The following SPRED2 variants were observed in gnomAD, a reference collection of about 807,000 sequenced individuals.
SPRED2 encodes the protein sprouty-related, EVH1 domain-containing protein 2.
Under a neutral mutation model 43.0 loss-of-function variants are expected in SPRED2, and 47 were observed. The ratio of observed to expected loss-of-function variants is 1.09; its 90% CI spans 0.87 to 1.40. The LOEUF (loss-of-function observed/expected upper bound fraction) is 1.40, where lower values mean the gene tolerates loss of function less well. SPRED2 is among the 40% of genes most tolerant of loss of function. The pLI is 0.00. For missense variants in SPRED2, 561 were observed against 586.4 expected, an observed-to-expected ratio of 0.96 and a Z score of 0.45; for synonymous variants, 225 against 225.7, an observed-to-expected ratio of 1.00 and a Z score of 0.03.
In SPRED2 at chr2:65,313,380, C is replaced by A; in HGVS notation, c.*121G>T. The A allele has an allele frequency of 6.7e-7, 1 of 1,498,268 alleles. No homozygotes were observed. The highest frequency in any genetic ancestry group is 1.4e-5 in the South Asian group (1 of 73,986). The allele number at this position is 1,498,268 out of a possible 1,614,324, so 92.8% of individuals were successfully genotyped here. ...AATGGTGCCTCGAGGTACCAGGGAG[C>A]TGGGAGGCCGCTTGCCCTCCTCGCT... is the stretch of plus-strand genomic sequence containing the variant. On this transcript the variant is annotated 3_prime_UTR_variant, in exon 6 of 6. Coordinates refer to ENST00000356388, the MANE Select transcript of SPRED2 (RefSeq NM_181784.3).
intron 1 of SPRED2, among the ~76,000 whole-genome samples, chr2:65,429,398 C>G (rs1676627199): frequency 1.3e-5 from 2 of 152,052 alleles, no homozygotes; most frequent in Admixed American, 1.3e-4. Context: ...AAAATCATTA[C>G]AAGAAAAAAA....
chr2:65,403,569 GAT>G (rs1301865823), intron 1 of SPRED2, among the ~76,000 whole-genome samples: 83 of 152,278 alleles, frequency 5.5e-4, no homozygotes, highest in African/African-American at 2.0e-3. Flanking sequence ...GCCCATCTGG[GAT>G]AGACATTTTT....
rs748022423 is a variant in SPRED2 at position 65,311,487 on chromosome 2, G to C, written c.*2014C>G. 7.4e-5 allele frequency: 73 copies of C among 985,770 alleles called. No individual in the cohort carries two copies. The highest frequency in any genetic ancestry group is 8.8e-5 in the Non-Finnish European group (73 of 829,950). The allele number at this position is 985,770 out of a possible 1,614,324, so 61.1% of individuals were successfully genotyped here. On this transcript the variant is annotated 3_prime_UTR_variant, in exon 6 of 6. Transcript: ENST00000356388. ...TGAAATAAATAGGGGCACTTGAACT[G>C]AGGTCTAAGGAAACGAACATTAGTG...
At chr2:65,308,964 C>A (rs1380507757), downstream of SPRED2, among the ~76,000 whole-genome samples, 1 of 151,836 alleles carries the variant, frequency 6.6e-6, no homozygotes, top group African/African-American at 2.4e-5. Context: ...ACCAGCCTGA[C>A]TGACCAACAT....
At chr2:65,358,302 T>C (rs947238564) in intron 1 of SPRED2, among the ~76,000 whole-genome samples, 3 of 152,106 alleles carry the variant, frequency 2.0e-5, no homozygotes, top group African/African-American at 7.2e-5. Flanking sequence ...TGGGGGAAAA[T>C]AAAAGGTACA....
At chr2:65,338,177 GTCTCCC>G (rs372919778) in intron 2 of SPRED2, among the ~76,000 whole-genome samples, 4,305 of 89,060 alleles carry the variant, frequency 0.048, 286 homozygotes, top group African/African-American at 0.094. Flanking sequence ...CCCGTCTCCC[GTCTCCC>G]TCTCCCTCTC....
chr2:65,398,172 A>T (rs1370107907), intron 1 of SPRED2, among the ~76,000 whole-genome samples: 1 of 152,250 alleles, frequency 6.6e-6, no homozygotes, highest in African/African-American at 2.4e-5. Context: ...GTACTGGGAT[A>T]ATTGGCAAGC....
At chr2:65,421,927 C>G (rs1173051596) in intron 1 of SPRED2, among the ~76,000 whole-genome samples, 1 of 152,168 alleles carries the variant, frequency 6.6e-6, no homozygotes, top group Non-Finnish European at 1.5e-5. Flanking sequence ...AGTCAAAGGA[C>G]CTGGGTTAAA....
At chr2:65,373,018 T>C (rs1032342179) in intron 1 of SPRED2, among the ~76,000 whole-genome samples, 1 of 152,236 alleles carries the variant, frequency 6.6e-6, no homozygotes, top group Non-Finnish European at 1.5e-5. Context: ...GCTATCTGTT[T>C]GTCAGATGCC....
At position 65,400,734 on chromosome 2, in the gene SPRED2, G is replaced by A. The variant is rs200321913; in HGVS notation, c.26+31228C>T. On this transcript the variant is annotated intron_variant, in intron 1 of 5. Coordinates refer to ENST00000356388, the MANE Select transcript of SPRED2 (RefSeq NM_181784.3). ...TTGCTCTGATGGAAGGTCCTTTCACGTCCTGTTTCTGGTTCAGTCCTGAAT... is the reference window on the plus strand; with the variant it reads ...TTGCTCTGATGGAAGGTCCTTTCACATCCTGTTTCTGGTTCAGTCCTGAAT... Among the ~76,000 whole-genome samples, 21 of 151,928 alleles carry A rather than the reference G, an allele frequency of 1.4e-4. No homozygotes were observed. In the East Asian group the frequency reaches 3.1e-3, roughly 22 times the overall value.
rs147727102 is a variant in SPRED2 at position 65,416,445 on chromosome 2, AAG to A, written c.26+15515_26+15516del. On this transcript the variant is annotated intron_variant, in intron 1 of 5. Coordinates refer to ENST00000356388, the MANE Select transcript of SPRED2 (RefSeq NM_181784.3). ...ACTGTTGTACTGCTCCATCCTGAAC[AAG>A]AGAGTGTGGAAGAGTGGGTCTACAG... is the stretch of plus-strand genomic sequence containing the variant. Among the ~76,000 whole-genome samples the A allele has an allele frequency of 2.4e-3, 366 of 152,272 alleles. 1 individual carries two copies. The highest frequency in any genetic ancestry group is 8.6e-3 in the African/African-American group (356 of 41,556).
chr2:65,372,905 C>A (rs1675162214), intron 1 of SPRED2, among the ~76,000 whole-genome samples: 1 of 152,198 alleles, frequency 6.6e-6, no homozygotes, highest in South Asian at 2.1e-4. Context: ...CTGTAAAATT[C>A]TAAGAATAGT....
intron 1 of SPRED2, among the ~76,000 whole-genome samples, chr2:65,363,942 A>C (rs565769848): frequency 6.6e-6 from 1 of 152,250 alleles, no homozygotes; most frequent in Non-Finnish European, 1.5e-5. Flanking sequence ...GACACTCTTA[A>C]CCTTTCAGGA....
At chr2:65,308,243 T>C, downstream of SPRED2, 2 of 937,324 alleles carry the variant, frequency 2.1e-6, no homozygotes, top group Non-Finnish European at 2.5e-6. Flanking sequence ...GAGACAGTGC[T>C]CTGACCCAGG....
chr2:65,376,393 G>A (rs1009498321), intron 1 of SPRED2, among the ~76,000 whole-genome samples: 1 of 152,146 alleles, frequency 6.6e-6, no homozygotes. Context: ...ATTAACTGGG[G>A]CATAATGAAG....
At position 65,350,647 on chromosome 2, in the gene SPRED2, A is replaced by G. The variant is rs189617531; in HGVS notation, c.27-5751T>C. ...GGGCTTCCTGTCCCGGGATCACGCA[A>G]TATGCAAAAGAGGCAGGTGACATTG... On this transcript the variant is annotated intron_variant, in intron 1 of 5. Transcript: ENST00000356388. Among the ~76,000 whole-genome samples the G allele has an allele frequency of 5.9e-3, 895 of 152,362 alleles. 10 individuals are homozygous for G. Among genetic ancestry groups the G allele is most frequent in the Non-Finnish European group, 9.1e-3 (616 of 68,024 alleles).
chr2:65,428,645 C>T (rs1271057526), intron 1 of SPRED2, among the ~76,000 whole-genome samples: 1 of 152,160 alleles, frequency 6.6e-6, no homozygotes. Flanking sequence ...GGAAACATTT[C>T]AACGTTAGGG....
intron 1 of SPRED2, among the ~76,000 whole-genome samples, chr2:65,414,229 T>C (rs528924939): frequency 1.3e-5 from 2 of 152,370 alleles, no homozygotes; most frequent in South Asian, 2.1e-4. Context: ...TGATTCTTAA[T>C]TTCATCTGCT....
In SPRED2 at chr2:65,352,187, A is replaced by G. The variant is rs150046653; in HGVS notation, c.27-7291T>C. On this transcript the variant is annotated intron_variant, in intron 1 of 5. Coordinates refer to ENST00000356388, the MANE Select transcript of SPRED2 (RefSeq NM_181784.3). ...AAGATGCCAGATCTGGCAGTAGCCAATTCTGGCAAAGGCCATCAGCTCTTC... is the reference window on the plus strand; with the variant it reads ...AAGATGCCAGATCTGGCAGTAGCCAGTTCTGGCAAAGGCCATCAGCTCTTC... 6.9e-4 allele frequency among the ~76,000 whole-genome samples: 105 copies of G among 152,372 alleles called. No homozygotes were observed. In the East Asian group the frequency reaches 0.01, roughly 15 times the overall value.
Sources: allele counts gnomAD v4.1 joint callset (sites outside exome capture counted in the v4.1 genomes callset), GRCh38; gene constraint gnomAD v4.1.1; transcripts MANE v1.5; gene names NCBI Gene and HGNC (gene_info 2026-07-23, HGNC 2026-07-21).